The following LUZP2 variants were observed in gnomAD, a reference collection of about 807,000 sequenced individuals.
LUZP2 encodes the protein leucine zipper protein 2.
LUZP2 carries 52 observed loss-of-function variants against 51.6 expected under a neutral mutation model. The ratio of observed to expected loss-of-function variants is 1.01; its 90% CI spans 0.81 to 1.27. The LOEUF is 1.27. Among genes scored for constraint, LUZP2 ranks in the 50% most tolerant of loss-of-function variants. The pLI is 0.00. For missense variants in LUZP2, 436 were observed against 395.4 expected (o/e 1.10, Z -0.87); for synonymous variants, 154 against 137.3 (o/e 1.12, Z -0.85).
At chr11:24,524,102 C>A (rs1487163820) in intron 1 of LUZP2, among the ~76,000 whole-genome samples, 2 of 151,684 alleles carry the variant, frequency 1.3e-5, no homozygotes, top group Non-Finnish European at 1.5e-5. Context: ...TTTATGGATA[C>A]TGGAAGTGTT....
intron 1 of LUZP2, among the ~76,000 whole-genome samples, chr11:24,574,430 TGTTA>T (rs536799526): frequency 7.9e-5 from 12 of 151,018 alleles, no homozygotes; most frequent in South Asian, 2.1e-4. Flanking sequence ...TGTATTTGTG[TGTTA>T]GTTAGTATAT....
intron 1 of LUZP2, among the ~76,000 whole-genome samples, chr11:24,677,112 A>ATT (rs1395041027): frequency 6.6e-6 from 1 of 152,014 alleles, no homozygotes; most frequent in African/African-American, 2.4e-5. Context: ...TATCAAATAT[A>ATT]TATCATTTTT....
At chr11:24,732,021 C>A in intron 2 of LUZP2, 97 bp from the exon 3 acceptor site, 1 of 788,114 alleles carries the variant, frequency 1.3e-6, no homozygotes, top group Non-Finnish European at 2.0e-6. Context: ...TGTTCCAGGG[C>A]ATATGTGCAG....
At chr11:24,846,935 A>G (rs1011089622) in intron 5 of LUZP2, among the ~76,000 whole-genome samples, 3 of 151,752 alleles carry the variant, frequency 2.0e-5, no homozygotes, top group African/African-American at 7.3e-5. Context: ...ATATGTATAC[A>G]TACATATATA....
At chr11:24,654,557 C>G (rs1296515314) in intron 1 of LUZP2, among the ~76,000 whole-genome samples, 1 of 152,042 alleles carries the variant, frequency 6.6e-6, no homozygotes, top group Non-Finnish European at 1.5e-5. Flanking sequence ...GGCTGGAGCA[C>G]AGTGGCGCGA....
At chr11:24,880,547 T>G (rs1852427581) in intron 5 of LUZP2, among the ~76,000 whole-genome samples, 1 of 152,146 alleles carries the variant, frequency 6.6e-6, no homozygotes, top group Admixed American at 6.5e-5. Flanking sequence ...GAACTTGCAT[T>G]TCTGAGTACT....
intron 5 of LUZP2, among the ~76,000 whole-genome samples, chr11:24,870,880 A>G (rs1367374542): frequency 6.6e-6 from 1 of 152,102 alleles, no homozygotes; most frequent in African/African-American, 2.4e-5. Context: ...GGCTAAATGT[A>G]AGGAGAAAAA....
chr11:25,072,587 T>C (rs897008814), intron 10 of LUZP2, among the ~76,000 whole-genome samples: 3 of 152,154 alleles, frequency 2.0e-5, no homozygotes, highest in African/African-American at 7.2e-5. Flanking sequence ...ATTTACTCTT[T>C]AGATAACATT....
Position 24,576,974 on chromosome 11 carries a change from C to A in LUZP2, c.62+79669C>A, listed in dbSNP as rs779022979. Among the ~76,000 whole-genome samples, 44 of 151,872 alleles carry A rather than the reference C, an allele frequency of 2.9e-4. 1 individual carries two copies. Among genetic ancestry groups the A allele is most frequent in the Middle Eastern group, 3.4e-3 (1 of 294 alleles). The stretch of plus-strand genomic sequence containing the variant: ...GTTCAATCAGAAGAAATTGATGGGA[C>A]TGGTTAAAGAAAAACACCCTATAAG... On this transcript the variant is annotated intron_variant, in intron 1 of 11. Coordinates refer to ENST00000336930, the MANE Select transcript of LUZP2 (RefSeq NM_001009909.4).
At chr11:24,644,039 A>G (rs375031375) in intron 1 of LUZP2, among the ~76,000 whole-genome samples, 4 of 152,300 alleles carry the variant, frequency 2.6e-5, no homozygotes, top group African/African-American at 4.8e-5. Flanking sequence ...AAGTTTTCAC[A>G]TTTATACTCC....
chr11:24,940,063 T>G (rs928415956), intron 7 of LUZP2, among the ~76,000 whole-genome samples: 1 of 152,034 alleles, frequency 6.6e-6, no homozygotes, highest in African/African-American at 2.4e-5. Context: ...AAGTGTCTTT[T>G]GACTGTATGG....
chr11:24,821,142 C>A (rs1460818849), intron 5 of LUZP2, among the ~76,000 whole-genome samples: 7 of 152,028 alleles, frequency 4.6e-5, no homozygotes, highest in Admixed American at 3.3e-4. Flanking sequence ...GCAAACATAA[C>A]ACAGCATATA....
intron 4 of LUZP2, among the ~76,000 whole-genome samples, chr11:24,756,067 C>G (rs1216285761): frequency 6.6e-6 from 1 of 152,116 alleles, no homozygotes; most frequent in African/African-American, 2.4e-5. Flanking sequence ...TTTCACCACC[C>G]CCCTTATGTT....
At chr11:24,972,268 C>A (rs1181773367) in intron 7 of LUZP2, among the ~76,000 whole-genome samples, 1 of 150,732 alleles carries the variant, frequency 6.6e-6, no homozygotes, top group African/African-American at 2.4e-5. Flanking sequence ...TTATTGATTG[C>A]CTTTATGATG....
In LUZP2 at chr11:24,994,509, T is replaced by C. The variant is rs78199909; in HGVS notation, c.765+11216T>C. Among the ~76,000 whole-genome samples the C allele has an allele frequency of 2.7e-4, 41 of 152,326 alleles. No homozygotes were observed. The East Asian group carries it at 7.0e-3, about 26-fold the overall frequency. ...TATATGCCTATCTATCTGACAGTGT[T>C]TGCAGTGACTATGGTAGATTTGTAG... is the stretch of plus-strand genomic sequence containing the variant. On this transcript the variant is annotated intron_variant, in intron 9 of 11. Coordinates refer to ENST00000336930, the MANE Select transcript of LUZP2 (RefSeq NM_001009909.4).
At chr11:24,967,428 T>C (rs1248579193) in intron 7 of LUZP2, among the ~76,000 whole-genome samples, 1 of 152,028 alleles carries the variant, frequency 6.6e-6, no homozygotes, top group African/African-American at 2.4e-5. Context: ...TTTTTAACAT[T>C]CTTCATTAAA....
chr11:24,679,337 G>C (rs142336677), intron 1 of LUZP2, among the ~76,000 whole-genome samples: 1 of 152,044 alleles, frequency 6.6e-6, no homozygotes, highest in Non-Finnish European at 1.5e-5. Context: ...ATAATGTAGA[G>C]AAGTTACATT....
intron 5 of LUZP2, chr11:24,891,839 C>T: frequency 4.1e-6 from 4 of 982,582 alleles, no homozygotes; most frequent in Non-Finnish European, 4.8e-6. Flanking sequence ...ACACTCTGCA[C>T]TGAACATCTG....
At chr11:24,935,169 C>G (rs1457730231) in intron 7 of LUZP2, among the ~76,000 whole-genome samples, 1 of 152,114 alleles carries the variant, frequency 6.6e-6, no homozygotes, top group East Asian at 1.9e-4. Context: ...TCTTGTGCAT[C>G]ACGTTGTATA....
Sources: gnomAD v4.1 joint callset for allele counts (sites outside exome capture counted in the v4.1 genomes callset) on GRCh38, gnomAD v4.1.1 for gene constraint, MANE v1.5 for transcripts, NCBI Gene and HGNC (gene_info 2026-07-23, HGNC 2026-07-21) for gene names.